COG5: variants seen among roughly 807,000 people sequenced by gnomAD.
COG5 encodes the protein conserved oligomeric Golgi complex subunit 5.
A neutral mutation model predicts 110.4 loss-of-function variants in COG5; 86 were observed. The ratio of observed to expected loss-of-function variants is 0.78; its 90% CI spans 0.65 to 0.93. The LOEUF is 0.93. Among genes scored for constraint, COG5 ranks in the 40% least tolerant of loss-of-function variants. The probability of loss-of-function intolerance (pLI) is 0.00; values close to 1 mark genes in which losing one functional copy is unlikely to be tolerated. For synonymous variants in COG5, 360 were observed against 334.6 expected (o/e 1.08, Z -0.83); for missense variants, 1,077 against 987.0 (o/e 1.09, Z -1.22).
rs375590220 is a variant in COG5, at chr7:107,453,091, C to T, written c.539-40459G>A. Among the ~76,000 whole-genome samples, 18 of 152,192 alleles carry T rather than the reference C, an allele frequency of 1.2e-4. No individual in the cohort carries two copies. The East Asian group carries it at 3.3e-3, about 28-fold the overall frequency. ...TCATTGTTCCCTTAGCACCTTATAC[C>T]GTTTTGGACACACAGAATGTAATGA... is the stretch of plus-strand genomic sequence containing the variant. On this transcript the variant is annotated intron_variant, in intron 6 of 21. Coordinates refer to ENST00000297135, the MANE Select transcript of COG5 (RefSeq NM_006348.5).
chr7:107,302,988 A>C (rs1807401924), intron 11 of COG5, among the ~76,000 whole-genome samples: 1 of 152,234 alleles, frequency 6.6e-6, no homozygotes, highest in South Asian at 2.1e-4. Flanking sequence ...AACTCCATGA[A>C]GGCAAGGACA....
intron 19 of COG5, among the ~76,000 whole-genome samples, chr7:107,214,368 A>T (rs1799375549): frequency 1.3e-5 from 2 of 152,216 alleles, no homozygotes. Context: ...CAACCAAAAA[A>T]GCTATCCTTC....
intron 2 of COG5, 123 bp from the exon 3 acceptor site, chr7:107,554,465 A>C (rs958171074): frequency 4.6e-6 from 4 of 863,190 alleles, no homozygotes; most frequent in Admixed American, 4.1e-5. Context: ...AAAAGAAAAA[A>C]CCACAGGTTT....
At chr7:107,368,921 G>C (rs1381341029) in intron 8 of COG5, among the ~76,000 whole-genome samples, 1 of 152,178 alleles carries the variant, frequency 6.6e-6, no homozygotes, top group Admixed American at 6.5e-5. Flanking sequence ...TCCTTTGCTG[G>C]TCTCATTTCC....
intron 7 of COG5, among the ~76,000 whole-genome samples, chr7:107,393,368 G>T (rs145943985): frequency 6.6e-6 from 1 of 152,102 alleles, no homozygotes; most frequent in Non-Finnish European, 1.5e-5. Context: ...ACCCCATCAC[G>T]ATCTGTAGAA....
chr7:107,399,730 TAAAA>T (rs1791289454), intron 7 of COG5, among the ~76,000 whole-genome samples: 1 of 152,180 alleles, frequency 6.6e-6, no homozygotes, highest in African/African-American at 2.4e-5. Context: ...CAGAATGTAA[TAAAA>T]ATTCTTACAA....
intron 14 of COG5, among the ~76,000 whole-genome samples, chr7:107,269,513 A>G (rs934688352): frequency 4.6e-5 from 7 of 152,084 alleles, no homozygotes; most frequent in South Asian, 2.1e-4. Context: ...TTAAGTGAAT[A>G]TATCTATGGC....
intron 17 of COG5, among the ~76,000 whole-genome samples, chr7:107,242,817 T>C (rs932527682): frequency 3.3e-5 from 5 of 152,082 alleles, no homozygotes; most frequent in African/African-American, 9.7e-5. Context: ...CTGACTGCAG[T>C]GAGTGAGTGC....
At chr7:107,326,142 GAAGGAAATTACATCA>G (rs1301376841) in intron 10 of COG5, among the ~76,000 whole-genome samples, 1 of 152,022 alleles carries the variant, frequency 6.6e-6, no homozygotes, top group Non-Finnish European at 1.5e-5. Context: ...ACTAGGACTC[GAAGGAAATTACATCA>G]ACATAATAAG....
chr7:107,519,414 A>G (rs1330381272), intron 6 of COG5, among the ~76,000 whole-genome samples: 1 of 152,132 alleles, frequency 6.6e-6, no homozygotes, highest in African/African-American at 2.4e-5. Flanking sequence ...ACTAATAAAG[A>G]AAAGAGAGAA....
At chr7:107,426,408 A>C (rs933213393) in intron 6 of COG5, among the ~76,000 whole-genome samples, 1 of 152,190 alleles carries the variant, frequency 6.6e-6, no homozygotes, top group South Asian at 2.1e-4. Flanking sequence ...TCAGGCTGCT[A>C]TAACAAGGTA....
rs140529715 is a variant in COG5, at chr7:107,218,706, C to T, written c.2169-7481G>A. On this transcript the variant is annotated intron_variant, in intron 19 of 21. Coordinates refer to ENST00000297135, the MANE Select transcript of COG5 (RefSeq NM_006348.5). ...ACCATATAAAAAATCAATTCAAAAA[C>T]GGATAAAAGTCAAGGTGTGGTCTTG... is the stretch of plus-strand genomic sequence containing the variant. Among the ~76,000 whole-genome samples the T allele has an allele frequency of 8.2e-4, 124 of 151,882 alleles. 2 individuals carry two copies. In the East Asian group the frequency reaches 0.021, roughly 26 times the overall value.
chr7:107,464,841 T>C (rs1796205441), intron 6 of COG5, among the ~76,000 whole-genome samples: 2 of 152,154 alleles, frequency 1.3e-5, no homozygotes, highest in African/African-American at 4.8e-5. Flanking sequence ...CTCTGTATAC[T>C]ACGGGTTTTT....
At chr7:107,418,107 T>G (rs10279755) in intron 6 of COG5, among the ~76,000 whole-genome samples, 20,135 of 149,330 alleles carry the variant, frequency 0.13, 3,266 homozygotes, top group African/African-American at 0.39. Context: ...AAATATAAAA[T>G]TGTGGTTTAT....
At chr7:107,556,991 G>A (rs1398831545) in intron 2 of COG5, among the ~76,000 whole-genome samples, 1 of 151,964 alleles carries the variant, frequency 6.6e-6, no homozygotes, top group Non-Finnish European at 1.5e-5. Flanking sequence ...GGCTGGTCTG[G>A]AACTCCTGAC....
chr7:107,224,907 G>A (rs940143533), intron 19 of COG5, among the ~76,000 whole-genome samples: 1 of 152,254 alleles, frequency 6.6e-6, no homozygotes, highest in Non-Finnish European at 1.5e-5. Context: ...AATGTAGACA[G>A]TAAAATGTAA....
chr7:107,275,482 G>A (rs952267249), intron 14 of COG5, among the ~76,000 whole-genome samples: 2 of 151,052 alleles, frequency 1.3e-5, no homozygotes, highest in African/African-American at 4.9e-5. Context: ...AACAACATAA[G>A]CTATTACCAT....
In COG5 at chr7:107,471,966, C is replaced by T. The variant is rs962711829; in HGVS notation, c.538+55271G>A. 4.6e-5 allele frequency: 7 copies of T among 151,922 alleles called. No individual in the cohort carries two copies. The South Asian group carries it at 6.2e-4, about 13-fold the overall frequency. 9.4% of individuals were successfully genotyped at this position (151,922 alleles called of 1,614,324 possible). On this transcript the variant is annotated intron_variant, in intron 6 of 21. Transcript: ENST00000297135. ...AGAAATCATTTCAAAATAGTGAGCACTGCTATTAAAAACAGATTTACAATG... is the reference window on the plus strand; with the variant it reads ...AGAAATCATTTCAAAATAGTGAGCATTGCTATTAAAAACAGATTTACAATG...
intron 6 of COG5, among the ~76,000 whole-genome samples, chr7:107,433,606 A>G (rs937355476): frequency 6.6e-6 from 1 of 152,212 alleles, no homozygotes; most frequent in African/African-American, 2.4e-5. Flanking sequence ...TGGTGGTGGG[A>G]AAACTGGATA....
Sources: gnomAD v4.1 joint callset for allele counts (sites outside exome capture counted in the v4.1 genomes callset) on GRCh38, gnomAD v4.1.1 for gene constraint, MANE v1.5 for transcripts, NCBI Gene and HGNC (gene_info 2026-07-23, HGNC 2026-07-21) for gene names.